The following FER variants were observed in gnomAD, a reference collection of about 807,000 sequenced individuals.
The protein encoded by FER is tyrosine-protein kinase Fer.
A neutral mutation model predicts 111.0 loss-of-function variants in FER; 63 were observed. The ratio of observed to expected loss-of-function variants is 0.57; its 90% CI spans 0.46 to 0.70. The LOEUF (loss-of-function observed/expected upper bound fraction) is 0.70. FER is among the 30% of genes least tolerant of loss of function. The probability of loss-of-function intolerance (pLI) is 0.00; values close to 1 mark genes in which losing one functional copy is unlikely to be tolerated. For missense variants in FER, 914 were observed against 954.0 expected (o/e 0.96, Z 0.55); for synonymous variants, 327 against 313.9 (o/e 1.04, Z -0.44).
chr5:108,884,853 T>C (rs75421844), intron 9 of FER, among the ~76,000 whole-genome samples: 10,288 of 152,120 alleles, frequency 0.068, 443 homozygotes, highest in South Asian at 0.086. Context: ...TGGGTAGCTC[T>C]AAGATCACAA....
At chr5:108,751,591 A>G (rs983576612) in intron 1 of FER, among the ~76,000 whole-genome samples, 1 of 152,220 alleles carries the variant, frequency 6.6e-6, no homozygotes, top group African/African-American at 2.4e-5. Context: ...TCAATTATGT[A>G]AAATTTTGGT....
intron 10 of FER, among the ~76,000 whole-genome samples, chr5:108,935,802 CTG>C (rs1755383899): frequency 6.6e-6 from 1 of 152,000 alleles, no homozygotes; most frequent in South Asian, 2.1e-4. Flanking sequence ...TGGTCCAACT[CTG>C]AGTTAGAGTC....
intron 13 of FER, among the ~76,000 whole-genome samples, chr5:109,000,211 T>C (rs1764550266): frequency 6.6e-6 from 1 of 151,812 alleles, no homozygotes; most frequent in Non-Finnish European, 1.5e-5. Flanking sequence ...GGAAGAACCA[T>C]AGTTTATATT....
At chr5:109,128,498 G>C (rs1561931625) in intron 17 of FER, among the ~76,000 whole-genome samples, 2 of 152,014 alleles carry the variant, frequency 1.3e-5, no homozygotes, top group Non-Finnish European at 2.9e-5. Context: ...ATTCATACTT[G>C]GGAGTTACCT....
chr5:108,772,894 T>C (rs1462390344), intron 2 of FER, among the ~76,000 whole-genome samples: 6 of 152,212 alleles, frequency 3.9e-5, no homozygotes, highest in African/African-American at 1.2e-4. Flanking sequence ...CTTTCAGAAA[T>C]GCATACTTTC....
At chr5:108,773,700 G>T (rs1310198414) in intron 2 of FER, among the ~76,000 whole-genome samples, 1 of 151,892 alleles carries the variant, frequency 6.6e-6, no homozygotes, top group East Asian at 1.9e-4. Context: ...TATTTCACTG[G>T]GTATATACCC....
chr5:108,819,225 T>C (rs1758588163), intron 3 of FER, among the ~76,000 whole-genome samples: 2 of 151,188 alleles, frequency 1.3e-5, no homozygotes, highest in East Asian at 1.9e-4. Flanking sequence ...ATCTGACTCT[T>C]TTGCCCACGC....
intron 13 of FER, among the ~76,000 whole-genome samples, chr5:109,001,458 C>A (rs4421154): frequency 0.64 from 96,931 of 152,060 alleles, 33,436 homozygotes; most frequent in African/African-American, 0.9. Context: ...AACTCTCAAT[C>A]AATTAGGTAT....
intron 2 of FER, among the ~76,000 whole-genome samples, chr5:108,774,666 T>C (rs1753293348): frequency 6.6e-6 from 1 of 152,158 alleles, no homozygotes; most frequent in Non-Finnish European, 1.5e-5. Context: ...GGAGCTTTTT[T>C]TCATGTTTGT....
chr5:108,807,436 A>G (rs894815210), intron 3 of FER, among the ~76,000 whole-genome samples: 1 of 151,962 alleles, frequency 6.6e-6, no homozygotes, highest in Non-Finnish European at 1.5e-5. Context: ...GTCTCTGAGG[A>G]TCTTTTGTTT....
intron 14 of FER, among the ~76,000 whole-genome samples, chr5:109,038,803 A>AAT (rs1298448103): frequency 3.9e-5 from 6 of 152,056 alleles, no homozygotes; most frequent in Non-Finnish European, 7.4e-5. Context: ...ATAAAGGCAG[A>AAT]ATATGTTTAG....
chr5:108,841,685 G>T (rs1160903050), intron 5 of FER: 1 of 185,994 alleles, frequency 5.4e-6, no homozygotes, highest in African/African-American at 2.4e-5. Context: ...GTTTGTGTCA[G>T]GAGTAACAAA....
At chr5:108,819,676 A>T in intron 3 of FER, 1 of 467,688 alleles carries the variant, frequency 2.1e-6, no homozygotes, top group Non-Finnish European at 2.8e-6. Flanking sequence ...AGTTAGCTTT[A>T]ATAGGAGTCA....
At chr5:108,849,480 T>TG (rs1554078065) in intron 5 of FER, among the ~76,000 whole-genome samples, 23 of 126,888 alleles carry the variant, frequency 1.8e-4, no homozygotes, top group African/African-American at 3.6e-4. Flanking sequence ...TTGTTGTTGT[T>TG]TTGTTTTGTT....
intron 17 of FER, among the ~76,000 whole-genome samples, chr5:109,104,803 C>T (rs1307000968): frequency 2.6e-5 from 4 of 151,938 alleles, no homozygotes; most frequent in African/African-American, 4.8e-5. Flanking sequence ...AGTGCAGTGG[C>T]GCCATCTCGG....
At chr5:108,843,757 G>T (rs575265774) in intron 5 of FER, among the ~76,000 whole-genome samples, 1 of 152,014 alleles carries the variant, frequency 6.6e-6, no homozygotes, top group South Asian at 2.1e-4. Context: ...TCTGTCTCTT[G>T]ACCTCGTAAT....
intron 2 of FER, among the ~76,000 whole-genome samples, chr5:108,794,241 G>T: frequency 6.9e-6 from 1 of 144,316 alleles, no homozygotes; most frequent in East Asian, 2.0e-4. Context: ...TTTTGAGACA[G>T]AGTTTCACTC....
chr5:109,103,234 T>G (rs2150071601), intron 17 of FER, among the ~76,000 whole-genome samples: 1 of 152,236 alleles, frequency 6.6e-6, no homozygotes, highest in Non-Finnish European at 1.5e-5. Flanking sequence ...TAGCAAAAAT[T>G]TTAAATCTTC....
chr5:109,050,824 C>T (rs554624069), intron 16 of FER, among the ~76,000 whole-genome samples: 1 of 152,250 alleles, frequency 6.6e-6, no homozygotes, highest in East Asian at 1.9e-4. Context: ...CAAATTTTAA[C>T]AATGGAATGT....
Sources: allele counts gnomAD v4.1 joint callset (sites outside exome capture counted in the v4.1 genomes callset), GRCh38; gene constraint gnomAD v4.1.1; transcripts MANE v1.5; gene names NCBI Gene and HGNC (gene_info 2026-07-23, HGNC 2026-07-21).